Variants in HUWE1 observed in about 807,000 individuals in gnomAD.
HUWE1 encodes E3 ubiquitin-protein ligase HUWE1.
Under a neutral mutation model 299.4 loss-of-function variants are expected in HUWE1, and 18 were observed. That is an observed-to-expected ratio of 0.06 (90% CI 0.04 to 0.09). HUWE1 has a LOEUF of 0.09. Ranked by LOEUF, HUWE1 falls within the 10% of genes least tolerant of loss-of-function variation. HUWE1 has a pLI of 1.00. For missense variants in HUWE1, 1,832 were observed against 3,462.3 expected, an observed-to-expected ratio of 0.53 and a Z score of 11.82; for synonymous variants, 1,317 against 1,286.1, an observed-to-expected ratio of 1.02 and a Z score of -0.51.
chrX:53,583,191 G>C (rs1192995927), intron 42 of HUWE1, among the ~76,000 whole-genome samples: 11 of 109,806 alleles, frequency 1.0e-4, no homozygotes, highest in African/African-American at 3.3e-4. Context: ...ATAGTCTCTT[G>C]GCTGAACACC....
At chrX:53,644,290 T>A (rs910292533) in intron 7 of HUWE1, among the ~76,000 whole-genome samples, 10 of 112,559 alleles carry the variant, frequency 8.9e-5, no homozygotes, top group African/African-American at 3.2e-4. Context: ...TAGGTAACTC[T>A]AGTTTTCTTA....
At chrX:53,673,930 T>A (rs183527199) in intron 3 of HUWE1, among the ~76,000 whole-genome samples, 148 of 111,337 alleles carry the variant, frequency 1.3e-3, no homozygotes, top group South Asian at 2.6e-3. Context: ...TGGTTTTTTT[T>A]AAAACATAAA....
chrX:53,620,580 T>C (rs868968201), intron 19 of HUWE1, among the ~76,000 whole-genome samples: 1 of 111,848 alleles, frequency 8.9e-6, no homozygotes, highest in Non-Finnish European at 1.9e-5. Flanking sequence ...GCAGGCCTAA[T>C]AGAGGCATAA....
chrX:53,564,846 G>A, intron 50 of HUWE1, 124 bp from the exon 51 acceptor site: 3 of 939,587 alleles, frequency 3.2e-6, no homozygotes, highest in South Asian at 2.0e-5. Context: ...GAGAATAAAC[G>A]AATGGGTGAC....
rs146107255 is a variant in HUWE1, at chrX:53,559,777, G to A, written c.7737-245C>T. On this transcript the variant is annotated intron_variant, in intron 56 of 83. Coordinates refer to ENST00000262854, the MANE Select transcript of HUWE1 (RefSeq NM_031407.7). ...TAAGCTCCCACGTGCCAGGCACTGC[G>A]TCAGGTCACATTGCCTCCACTACAC... 2.7e-3 allele frequency among the ~76,000 whole-genome samples: 305 copies of A among 112,122 alleles called. 1 individual carries two copies. The highest frequency in any genetic ancestry group is 9.5e-3 in the African/African-American group (294 of 30,853).
At chrX:53,685,130 A>C (rs1557055213) in intron 2 of HUWE1, among the ~76,000 whole-genome samples, 1 of 112,698 alleles carries the variant, frequency 8.9e-6, no homozygotes, top group East Asian at 2.8e-4. Flanking sequence ...GTTCTAATTT[A>C]AATAGTTCCT....
intron 16 of HUWE1, 96 bp downstream of exon 16, chrX:53,627,641 AAG>A: frequency 3.4e-6 from 3 of 887,504 alleles, no homozygotes; most frequent in Non-Finnish European, 4.9e-6. Context: ...CTAGAAACAG[AAG>A]AGACTGTAAG....
chrX:53,620,585 G>A (rs782156587), intron 19 of HUWE1, among the ~76,000 whole-genome samples: 12 of 111,639 alleles, frequency 1.1e-4, no homozygotes, highest in African/African-American at 3.3e-4. Context: ...CCTAATAGAG[G>A]CATAATGGCT....
intron 7 of HUWE1, among the ~76,000 whole-genome samples, chrX:53,640,311 T>G (rs1237315333): frequency 8.9e-6 from 1 of 111,762 alleles, no homozygotes; most frequent in Non-Finnish European, 1.9e-5. Flanking sequence ...AGTGAGCTGA[T>G]ATCGTGCAAC....
At chrX:53,566,602 G>A (rs1418824590) in intron 49 of HUWE1, among the ~76,000 whole-genome samples, 2 of 111,060 alleles carry the variant, frequency 1.8e-5, no homozygotes, top group East Asian at 5.6e-4. Flanking sequence ...GACTACAGGC[G>A]TACATGTCCA....
chrX:53,685,234 C>T (rs1388430276), intron 2 of HUWE1, among the ~76,000 whole-genome samples: 2 of 111,126 alleles, frequency 1.8e-5, no homozygotes, highest in African/African-American at 3.3e-5. Context: ...CCATTTTTTT[C>T]CCCCGGATGA....
rs782817765 is a variant in HUWE1, at chrX:53,534,677, C to A, written c.12670G>T (p.Ala4224Ser). 2 of 1,208,813 alleles carry A rather than the reference C, an allele frequency of 1.7e-6. No individual in the cohort carries two copies. The highest frequency in any genetic ancestry group is 5.9e-5 in the East Asian group (2 of 33,762). ...TCATAGAAGCCTTCTAAGAAAGCCG[C>A]CAACTGCTTGCGGATGGCTCCTGGT... ...RMTGAIRKQL[A>S]AFLEGFYEII... is the part of the protein sequence containing the mutation. The change falls in exon 82 of 84, where the codon GCG becomes TCG. Residue 4224 changes from alanine to serine, a missense_variant. By Grantham distance (99) the Ala-to-Ser change is moderately conservative. Around this residue, in one of 15 missense-constraint regions of HUWE1, gnomAD observed 129 missense variants for 439.4 expected, o/e 0.29. Coordinates refer to ENST00000262854, the MANE Select transcript of HUWE1 (RefSeq NM_031407.7).
rs781877059 is a variant in HUWE1 at position 53,562,129 on chromosome X, TTCCTCC to T, written c.7314_7319del (p.Glu2439_Glu2440del). On this transcript the variant is annotated inframe_deletion, in exon 54 of 84. Coordinates refer to ENST00000262854, the MANE Select transcript of HUWE1 (RefSeq NM_031407.7). ...CCCTCACCTGATCATCTTCCTCATC[TTCCTCC>T]TCCTCCTCCTCTTCATCCTGACTAT... is the stretch of plus-strand genomic sequence containing the variant. The T allele has an allele frequency of 2.0e-5, 24 of 1,195,725 alleles. No individual in the cohort carries two copies. In the Admixed American group the frequency reaches 3.7e-4, roughly 19 times the overall value.
At chrX:53,580,124 AC>A (rs1209049344) in intron 43 of HUWE1, among the ~76,000 whole-genome samples, 2 of 111,426 alleles carry the variant, frequency 1.8e-5, no homozygotes, top group African/African-American at 6.5e-5. Context: ...CTTTTTTATT[AC>A]CAAAAAAGTC....
chrX:53,566,135 A>G (rs12393435), intron 49 of HUWE1, among the ~76,000 whole-genome samples: 1,851 of 9,007 alleles, frequency 0.21, 27 homozygotes, highest in Middle Eastern at 0.38. Context: ...GTGTGTGTGT[A>G]TATATATATA....
chrX:53,632,172 C>G (rs1467321830), intron 9 of HUWE1: 5 of 338,388 alleles, frequency 1.5e-5, no homozygotes, highest in African/African-American at 2.6e-5. Context: ...TTAGAGAAAC[C>G]TGAGCCATCA....
intron 3 of HUWE1, among the ~76,000 whole-genome samples, chrX:53,666,291 AGATT>A (rs782707152): frequency 7.2e-5 from 8 of 110,964 alleles, no homozygotes; most frequent in Non-Finnish European, 1.1e-4. Flanking sequence ...CCATGGCATT[AGATT>A]ATTATTCAAT....
chrX:53,651,683 G>C (rs1171810971), intron 4 of HUWE1, among the ~76,000 whole-genome samples: 3 of 111,418 alleles, frequency 2.7e-5, no homozygotes, highest in Non-Finnish European at 5.7e-5. Flanking sequence ...ACGGAGGGCA[G>C]ACTATACTCA....
At chrX:53,621,969 G>T (rs2066176346) in intron 19 of HUWE1, among the ~76,000 whole-genome samples, 1 of 112,392 alleles carries the variant, frequency 8.9e-6, no homozygotes, top group Non-Finnish European at 1.9e-5. Flanking sequence ...TGAGAAAGAA[G>T]AGAGGGGAGT....
Sources: allele counts gnomAD v4.1 joint callset (sites outside exome capture counted in the v4.1 genomes callset), GRCh38; gene constraint gnomAD v4.1.1; regional missense constraint gnomAD v4.1.1; transcripts MANE v1.5; gene names NCBI Gene and HGNC (gene_info 2026-07-23, HGNC 2026-07-21).